TMEM63C: variants seen among roughly 807,000 people sequenced by gnomAD.
The protein encoded by TMEM63C is osmosensitive cation channel TMEM63C.
TMEM63C carries 32 observed loss-of-function variants against 99.2 expected under a neutral mutation model. That is an observed-to-expected ratio of 0.32 (90% CI 0.24 to 0.43). The LOEUF (loss-of-function observed/expected upper bound fraction) is 0.43, where lower values mean the gene tolerates loss of function less well. TMEM63C is among the 20% of genes least tolerant of loss of function. The pLI is 1.00. For missense variants in TMEM63C, 826 were observed against 1,053.0 expected, an observed-to-expected ratio of 0.78 and a Z score of 2.98; for synonymous variants, 376 against 397.9, an observed-to-expected ratio of 0.94 and a Z score of 0.66.
At chr14:77,192,063 C>G (rs1324978366) in intron 1 of TMEM63C, among the ~76,000 whole-genome samples, 1 of 152,106 alleles carries the variant, frequency 6.6e-6, no homozygotes, top group Non-Finnish European at 1.5e-5. Flanking sequence ...TAATAGCCTC[C>G]TTTGTCTTTT....
chr14:77,202,677 A>G (rs1888318008), intron 1 of TMEM63C, among the ~76,000 whole-genome samples: 3 of 152,168 alleles, frequency 2.0e-5, no homozygotes, highest in Non-Finnish European at 1.5e-5. Context: ...GTATGACCTC[A>G]TTTTAACAAA....
At chr14:77,251,704 G>C in intron 21 of TMEM63C, 85 bp from the exon 22 acceptor site, 1 of 1,068,022 alleles carries the variant, frequency 9.4e-7, no homozygotes, top group Non-Finnish European at 1.5e-6. Context: ...TTGCAGTGGT[G>C]CTGTGACGGT....
intron 13 of TMEM63C, among the ~76,000 whole-genome samples, chr14:77,241,645 C>T (rs1889178390): frequency 6.6e-6 from 1 of 152,230 alleles, no homozygotes; most frequent in African/African-American, 2.4e-5. Context: ...CTTACACTCT[C>T]AACTTTTTAT....
intron 5 of TMEM63C, 38 bp from the exon 6 acceptor site, chr14:77,225,385 GA>G: frequency 6.2e-7 from 1 of 1,610,536 alleles, no homozygotes; most frequent in Non-Finnish European, 8.5e-7. Flanking sequence ...GGCAGGCCAG[GA>G]CCTGGGTTTT....
At chr14:77,229,282 A>T (rs1888892172) in intron 6 of TMEM63C, among the ~76,000 whole-genome samples, 1 of 151,912 alleles carries the variant, frequency 6.6e-6, no homozygotes, top group African/African-American at 2.4e-5. Flanking sequence ...CTGTAATCCC[A>T]GCTATTTGGG....
At chr14:77,240,326 G>A in intron 12 of TMEM63C, 149 bp from the exon 13 acceptor site, 1 of 833,624 alleles carries the variant, frequency 1.2e-6, no homozygotes. Context: ...TCTAGAGGTG[G>A]GACTTTGGAG....
intron 5 of TMEM63C, among the ~76,000 whole-genome samples, chr14:77,220,521 G>A (rs1202557076): frequency 6.6e-6 from 1 of 152,000 alleles, no homozygotes; most frequent in African/African-American, 2.4e-5. Context: ...TTAGTGGAGC[G>A]CAGTCTGCTG....
intron 2 of TMEM63C, among the ~76,000 whole-genome samples, chr14:77,214,251 T>A (rs560604194): frequency 2.0e-5 from 3 of 152,204 alleles, no homozygotes; most frequent in Admixed American, 1.3e-4. Context: ...TGGGTACTAA[T>A]GGCTGTTGCC....
intron 1 of TMEM63C, among the ~76,000 whole-genome samples, chr14:77,210,750 G>A (rs1236889450): frequency 6.6e-6 from 1 of 152,190 alleles, no homozygotes; most frequent in East Asian, 1.9e-4. Flanking sequence ...GTTTGTTTAA[G>A]TCCAGAACCA....
chr14:77,191,358 C>G (rs1372013569), intron 1 of TMEM63C, among the ~76,000 whole-genome samples: 1 of 152,126 alleles, frequency 6.6e-6, no homozygotes, highest in African/African-American at 2.4e-5. Context: ...CTGTCCTATT[C>G]TTTACCTGTA....
intron 1 of TMEM63C, among the ~76,000 whole-genome samples, chr14:77,185,335 T>C (rs888070): frequency 1 from 152,123 of 152,352 alleles, 75,948 homozygotes; most frequent in Middle Eastern, 1. Flanking sequence ...GGCAGAAAGA[T>C]CAGCTTCCAA....
chr14:77,214,577 T>A (rs1228636565), intron 2 of TMEM63C, among the ~76,000 whole-genome samples: 24 of 152,002 alleles, frequency 1.6e-4, no homozygotes, highest in South Asian at 4.2e-4. Context: ...GAGCCCCCTG[T>A]CTTGGACCCA....
intron 1 of TMEM63C, among the ~76,000 whole-genome samples, chr14:77,190,131 T>C (rs72725326): frequency 0.24 from 36,786 of 151,974 alleles, 5,350 homozygotes; most frequent in Admixed American, 0.38. Context: ...ATTATTATTA[T>C]TATTATTGGT....
chr14:77,240,360 T>G, intron 12 of TMEM63C, 115 bp from the exon 13 acceptor site: 1 of 1,291,416 alleles, frequency 7.7e-7, no homozygotes, highest in Non-Finnish European at 1.0e-6. Context: ...CTGGGCTCCT[T>G]GAGGTGCTTC....
intron 5 of TMEM63C, among the ~76,000 whole-genome samples, chr14:77,220,774 C>G (rs768439226): frequency 6.6e-6 from 1 of 151,666 alleles, no homozygotes; most frequent in Non-Finnish European, 1.5e-5. Flanking sequence ...TGAGAGGGAG[C>G]CCTGAGAACG....
intron 5 of TMEM63C, among the ~76,000 whole-genome samples, chr14:77,221,674 C>T (rs61991632): frequency 0.044 from 5,566 of 126,038 alleles, 231 homozygotes; most frequent in Middle Eastern, 0.083. Context: ...CGCCTCCTCT[C>T]CCACTCATGC....
intron 5 of TMEM63C, among the ~76,000 whole-genome samples, chr14:77,221,744 C>T (rs1357098704): frequency 6.7e-6 from 1 of 148,978 alleles, no homozygotes; most frequent in East Asian, 2.0e-4. Flanking sequence ...TCACTCCACC[C>T]AGACAACCCT....
chr14:77,256,822 C>T lies in TMEM63C; in HGVS notation c.*96C>T, dbSNP rs1162715796. On this transcript the variant is annotated 3_prime_UTR_variant, in exon 24 of 24. Transcript: ENST00000298351. ...GGTGGCCTGGACCTCCCCACTACCT[C>T]CTGCAGACTTTGAGAAGCCCACAGT... The T allele has an allele frequency of 1.7e-6, 2 of 1,186,022 alleles. No individual in the cohort carries two copies. The highest frequency in any genetic ancestry group is 2.3e-5 in the Admixed American group (1 of 44,136). The allele number at this position is 1,186,022 out of a possible 1,614,324, so 73.5% of individuals were successfully genotyped here. A position where few individuals can be genotyped will look rare whatever the true frequency, so the allele number is the denominator to read the frequency against.
intron 1 of TMEM63C, among the ~76,000 whole-genome samples, chr14:77,208,791 G>C (rs1053238803): frequency 6.6e-6 from 1 of 152,206 alleles, no homozygotes; most frequent in African/African-American, 2.4e-5. Context: ...TTATTCTTGG[G>C]CTGGGGCAGC....
Sources: gnomAD v4.1 joint callset for allele counts (sites outside exome capture counted in the v4.1 genomes callset) on GRCh38, gnomAD v4.1.1 for gene constraint, MANE v1.5 for transcripts, NCBI Gene and HGNC (gene_info 2026-07-23, HGNC 2026-07-21) for gene names.